MAST2: variants seen among roughly 807,000 people sequenced by gnomAD.
MAST2 encodes microtubule associated serine/threonine kinase 2, also known as microtubule-associated serine/threonine-protein kinase 2.
MAST2 carries 70 observed loss-of-function variants against 147.4 expected under a neutral mutation model. That is an observed-to-expected ratio of 0.47 (90% CI 0.39 to 0.58). The LOEUF (loss-of-function observed/expected upper bound fraction) is 0.58, where lower values mean the gene tolerates loss of function less well. Among genes scored for constraint, MAST2 ranks in the 20% least tolerant of loss-of-function variants. MAST2 has a pLI of 0.00. For synonymous variants in MAST2, 869 were observed against 896.8 expected, an observed-to-expected ratio of 0.97 and a Z score of 0.55; for missense variants, 2,080 against 2,302.3, an observed-to-expected ratio of 0.90 and a Z score of 1.98.
chr1:45,867,716 G>A (rs574702186), intron 3 of MAST2, among the ~76,000 whole-genome samples: 2 of 152,278 alleles, frequency 1.3e-5, no homozygotes, highest in East Asian at 1.9e-4. Context: ...TTACAGATAC[G>A]TGAAGCTCAG....
chr1:45,859,941 C>T (rs370741020), intron 3 of MAST2, among the ~76,000 whole-genome samples: 2 of 152,198 alleles, frequency 1.3e-5, no homozygotes, highest in South Asian at 2.1e-4. Flanking sequence ...ATGTTCTAGT[C>T]GGAAGCATGG....
intron 17 of MAST2, 132 bp downstream of exon 17, chr1:46,027,995 TAGTG>T (rs1386616382): frequency 1.6e-5 from 16 of 1,013,468 alleles, no homozygotes; most frequent in Non-Finnish European, 1.8e-5. Context: ...CTGGGCAACA[TAGTG>T]AGACCCCATC....
chr1:45,835,082 C>T (rs1645065804), intron 3 of MAST2, among the ~76,000 whole-genome samples: 1 of 151,924 alleles, frequency 6.6e-6, no homozygotes, highest in African/African-American at 2.4e-5. Context: ...AACAGTTATT[C>T]CAGTGACTTT....
chr1:46,020,183 C>T (rs1206106747), intron 11 of MAST2, among the ~76,000 whole-genome samples: 1 of 152,130 alleles, frequency 6.6e-6, no homozygotes, highest in Non-Finnish European at 1.5e-5. Flanking sequence ...AGAAGTGTTG[C>T]AGTTGAGGTC....
intron 9 of MAST2, among the ~76,000 whole-genome samples, chr1:46,009,274 G>A (rs1045590312): frequency 7.9e-5 from 12 of 152,180 alleles, no homozygotes; most frequent in Admixed American, 2.0e-4. Context: ...GGCTGGTCTC[G>A]AAATCCTGAC....
At chr1:45,840,900 TG>T (rs766647241) in intron 3 of MAST2, among the ~76,000 whole-genome samples, 3 of 152,136 alleles carry the variant, frequency 2.0e-5, no homozygotes, top group Admixed American at 1.3e-4. Context: ...CTACATGCAT[TG>T]GGGGATGGAA....
chr1:46,034,842 C>T lies in MAST2; in HGVS notation c.4173C>T (p.Pro1391=). 1 of 1,614,210 alleles carries T rather than the reference C, an allele frequency of 6.2e-7. No individual in the cohort carries two copies. Among genetic ancestry groups the T allele is most frequent in the Non-Finnish European group, 8.5e-7 (1 of 1,180,036 alleles). The change falls in exon 29 of 29, where the codon CCC becomes CCT. Residue 1391 remains proline, a synonymous_variant. Coordinates refer to ENST00000361297, the MANE Select transcript of MAST2 (RefSeq NM_015112.3). ...SPPLGRQLSR[P]KSAEPPRSPL... is the part of the protein sequence containing the mutation. Reference sequence around the variant, plus strand: ...CCCTGGGCAGGCAACTCTCACGGCCCAAGAGTGCGGAGCCACCCCGTTCAC... The same window carrying T: ...CCCTGGGCAGGCAACTCTCACGGCCTAAGAGTGCGGAGCCACCCCGTTCAC...
chr1:45,882,026 A>G (rs1188936441), intron 3 of MAST2, among the ~76,000 whole-genome samples: 1 of 146,728 alleles, frequency 6.8e-6, no homozygotes, highest in Non-Finnish European at 1.5e-5. Flanking sequence ...AAAAAAAAAA[A>G]AAAAAAAAAA....
At chr1:45,978,577 G>A (rs1399670468) in intron 5 of MAST2, among the ~76,000 whole-genome samples, 1 of 152,108 alleles carries the variant, frequency 6.6e-6, no homozygotes, top group Non-Finnish European at 1.5e-5. Flanking sequence ...ACCAATAATG[G>A]CTTAAAGAGT....
At chr1:45,812,333 A>G (rs1644327678) in intron 1 of MAST2, among the ~76,000 whole-genome samples, 1 of 152,074 alleles carries the variant, frequency 6.6e-6, no homozygotes, top group Non-Finnish European at 1.5e-5. Context: ...CAGGTTGGCA[A>G]ATGTTCCCTG....
At chr1:46,017,231 AACCTAGGCATT>A (rs1645990042) in intron 10 of MAST2, among the ~76,000 whole-genome samples, 1 of 152,186 alleles carries the variant, frequency 6.6e-6, no homozygotes, top group Non-Finnish European at 1.5e-5. Context: ...CCTAGAAGAA[AACCTAGGCATT>A]ACCATTCAGG....
chr1:45,887,694 C>CCTG (rs1353834506), intron 4 of MAST2, among the ~76,000 whole-genome samples: 3 of 152,278 alleles, frequency 2.0e-5, no homozygotes, highest in African/African-American at 7.2e-5. Flanking sequence ...AGAGATACCA[C>CCTG]CTGCTGCATA....
chr1:45,886,778 C>G (rs1050211323), intron 4 of MAST2, among the ~76,000 whole-genome samples: 1 of 152,108 alleles, frequency 6.6e-6, no homozygotes, highest in Non-Finnish European at 1.5e-5. Flanking sequence ...TAGTGGGGGC[C>G]TCTTTTTGAT....
intron 1 of MAST2, among the ~76,000 whole-genome samples, chr1:45,812,949 A>C (rs1644346775): frequency 6.6e-6 from 1 of 151,662 alleles, no homozygotes; most frequent in East Asian, 1.9e-4. Flanking sequence ...TCAGCCCCTC[A>C]GGTCTGTTTG....
At chr1:45,888,651 CG>C (rs1267665665) in intron 4 of MAST2, among the ~76,000 whole-genome samples, 1 of 118,240 alleles carries the variant, frequency 8.5e-6, no homozygotes, top group Non-Finnish European at 1.8e-5. Context: ...CGTGAGCCAC[CG>C]CGCGCGGCCT....
At chr1:45,867,938 C>T (rs1313303861) in intron 3 of MAST2, among the ~76,000 whole-genome samples, 1 of 152,144 alleles carries the variant, frequency 6.6e-6, no homozygotes, top group African/African-American at 2.4e-5. Context: ...TTTTGCCTTC[C>T]TCTGTGTTTT....
chr1:46,020,545 A>G (rs1246987856), intron 11 of MAST2, among the ~76,000 whole-genome samples: 1 of 152,226 alleles, frequency 6.6e-6, no homozygotes, highest in African/African-American at 2.4e-5. Flanking sequence ...TTATTAAGGT[A>G]TAATTTTCAT....
chr1:45,946,893 T>C (rs1658117862), intron 4 of MAST2, among the ~76,000 whole-genome samples: 1 of 152,172 alleles, frequency 6.6e-6, no homozygotes, highest in African/African-American at 2.4e-5. Flanking sequence ...TGTGCCTACG[T>C]CAGAGTTTTG....
At chr1:45,843,898 C>G (rs1645350247) in intron 3 of MAST2, among the ~76,000 whole-genome samples, 1 of 152,152 alleles carries the variant, frequency 6.6e-6, no homozygotes, top group South Asian at 2.1e-4. Context: ...CTCTCAAGAG[C>G]ATCCTTAAGA....
Sources: allele counts gnomAD v4.1 joint callset (sites outside exome capture counted in the v4.1 genomes callset), GRCh38; gene constraint gnomAD v4.1.1; transcripts MANE v1.5; gene names NCBI Gene and HGNC (gene_info 2026-07-23, HGNC 2026-07-21).